RNF103: variants seen among roughly 807,000 people sequenced by gnomAD.
RNF103 encodes ring finger protein 103.
In RNF103, 23 loss-of-function variants were observed where a neutral mutation model predicts 66.2. That is an observed-to-expected ratio of 0.35 (90% confidence interval 0.25 to 0.49). The LOEUF (loss-of-function observed/expected upper bound fraction) is 0.49, where lower values mean the gene tolerates loss of function less well. RNF103 is among the 20% of genes least tolerant of loss of function. The pLI is 0.98. For missense variants in RNF103, 730 were observed against 814.7 expected (o/e 0.90, Z 1.27); for synonymous variants, 297 against 289.9 (o/e 1.02, Z -0.25).
intron 1 of RNF103, among the ~76,000 whole-genome samples, chr2:86,621,275 T>C (rs189727790): frequency 6.6e-6 from 1 of 152,218 alleles, no homozygotes; most frequent in African/African-American, 2.4e-5. Flanking sequence ...CAAGTATTTT[T>C]AGGCCCAAAA....
At chr2:86,612,352 A>T in intron 2 of RNF103, 78 bp from the exon 3 acceptor site, 1 of 727,122 alleles carries the variant, frequency 1.4e-6, no homozygotes, top group Non-Finnish European at 2.3e-6. Context: ...CAACAATATA[A>T]TTTCACTTAA....
Position 86,604,587 on chromosome 2 carries a change from T to C in RNF103, c.1314A>G (p.Arg438=). 6.2e-7 allele frequency: 1 copy of C among 1,614,202 alleles called. No individual in the cohort carries two copies. Among genetic ancestry groups the C allele is most frequent in the South Asian group, 1.1e-5 (1 of 91,084 alleles). Residue 438 remains arginine, a synonymous_variant, in exon 4 of 4, where the codon AGA becomes AGG. Transcript: ENST00000237455. Reference sequence around the variant, plus strand: ...CTTCATCATTGTTGTTGTTGCGCCTTCTCTTCTTCTCAAAGTAATCAATTA... The same window carrying C: ...CTTCATCATTGTTGTTGTTGCGCCTCCTCTTCTTCTCAAAGTAATCAATTA... The part of the protein sequence containing the change: ...GLLIDYFEKK[R]RRNNNNDEVN...
chr2:86,620,197 C>A, intron 2 of RNF103, 133 bp downstream of exon 2: 1 of 1,166,730 alleles, frequency 8.6e-7, no homozygotes, highest in Non-Finnish European at 1.1e-6. Flanking sequence ...CTGGAGCCTC[C>A]CTAAGAGAAC....
intron 3 of RNF103, among the ~76,000 whole-genome samples, chr2:86,606,612 G>A (rs952922301): frequency 4.3e-5 from 6 of 138,268 alleles, no homozygotes; most frequent in South Asian, 2.3e-4. Context: ...GCAGTGAGCC[G>A]AGATCACGCC....
At chr2:86,616,441 A>T (rs1679024276) in intron 2 of RNF103, 1 of 909,614 alleles carries the variant, frequency 1.1e-6, no homozygotes, top group Admixed American at 6.2e-5. Flanking sequence ...TGGTCTTTTA[A>T]TTTTTTTGTA....
Position 86,622,936 on chromosome 2 carries a change from G to C in RNF103, c.-50C>G. 1 of 1,541,482 alleles carries C rather than the reference G, an allele frequency of 6.5e-7. No homozygotes were observed. The highest frequency in any genetic ancestry group is 8.8e-7 in the Non-Finnish European group (1 of 1,142,220). On this transcript the variant is annotated 5_prime_UTR_variant, in exon 1 of 4. Coordinates refer to ENST00000237455, the MANE Select transcript of RNF103 (RefSeq NM_005667.4). ...CAGAGAGCTCGGAATACGGGAGAGA[G>C]AAGGGTCGAGGGCGGGGGCCGCGGC...
chr2:86,603,959 T>C lies in RNF103; in HGVS notation c.1942A>G (p.Ile648Val), dbSNP rs1278401965. 6.2e-7 allele frequency: 1 copy of C among 1,613,912 alleles called. No homozygotes were observed. Among genetic ancestry groups the C allele is most frequent in the Admixed American group, 1.7e-5 (1 of 59,982 alleles). Residue 648 changes from isoleucine (I) to valine (V), a missense_variant, in exon 4 of 4, where the codon ATT (isoleucine) becomes GTT (valine). By Grantham distance (29) the Ile-to-Val change is conservative. This residue lies in a region of RNF103 where 355 missense variants were observed against 351.9 expected (regional missense o/e 1.01). Transcript: ENST00000237455. ...PCGHVFHQNCIVMWLAGGRHC... is the reference protein window; with the variant it reads ...PCGHVFHQNCVVMWLAGGRHC... The stretch of plus-strand genomic sequence containing the variant: ...CGGCCCCCAGCCAACCACATCACAA[T>C]GCAATTCTGATGAAACACATGACCA...
chr2:86,621,764 T>C (rs547042932), intron 1 of RNF103, among the ~76,000 whole-genome samples: 3 of 152,322 alleles, frequency 2.0e-5, no homozygotes, highest in East Asian at 3.9e-4. Flanking sequence ...TTTCAGCTGC[T>C]TCCCACAGCA....
At position 86,622,856 on chromosome 2, in the gene RNF103, AGAG is replaced by A; in HGVS notation, c.28_30del (p.Leu10del). 6.2e-7 allele frequency: 1 copy of A among 1,612,602 alleles called. No homozygotes were observed. Among genetic ancestry groups the A allele is most frequent in the East Asian group, 2.2e-5 (1 of 44,814 alleles). The stretch of plus-strand genomic sequence containing the variant: ...GCCAGGACGAACAGGACCAGGAAAT[AGAG>A]GAGCAAGAAAAAAAGCTTCAGCCAC... On this transcript the variant is annotated inframe_deletion, in exon 1 of 4. Coordinates refer to ENST00000237455, the MANE Select transcript of RNF103 (RefSeq NM_005667.4).
chr2:86,614,688 T>A (rs1005851115), intron 2 of RNF103: 1 of 868,734 alleles, frequency 1.2e-6, no homozygotes, highest in Admixed American at 6.2e-5. Context: ...TTCTTTATTT[T>A]ATTTTATTTT....
Position 86,603,833 on chromosome 2 carries a change from T to C in RNF103, c.*10A>G, listed in dbSNP as rs1234757788. ...ATACTCAAAGCTTATAAAGGACAAATTGCACATGGTTAAGATGGGACATCA... is the reference window on the plus strand; with the variant it reads ...ATACTCAAAGCTTATAAAGGACAAACTGCACATGGTTAAGATGGGACATCA... On this transcript the variant is annotated 3_prime_UTR_variant, in exon 4 of 4. Coordinates refer to ENST00000237455, the MANE Select transcript of RNF103 (RefSeq NM_005667.4). The C allele has an allele frequency of 1.9e-6, 3 of 1,594,698 alleles. No individual in the cohort carries two copies. The highest frequency in any genetic ancestry group is 1.7e-6 in the Non-Finnish European group (2 of 1,172,150).
chr2:86,611,457 T>C (rs1678787486), intron 3 of RNF103, among the ~76,000 whole-genome samples: 1 of 151,910 alleles, frequency 6.6e-6, no homozygotes, highest in Non-Finnish European at 1.5e-5. Context: ...AGTTATAACT[T>C]GGTAGCAAGA....
At position 86,623,555 on chromosome 2, in the gene RNF103, C is replaced by A; in HGVS notation, c.-669G>T. The stretch of plus-strand genomic sequence containing the variant: ...AAGAGCGGCGGGCACGGCGGCGGCT[C>A]CAGGTTCGCTCGGGCCGGCTGGCGG... On this transcript the variant is annotated 5_prime_UTR_variant, in exon 1 of 4. Transcript: ENST00000237455. 1.0e-6 allele frequency: 1 copy of A among 992,086 alleles called. No individual in the cohort carries two copies. Among genetic ancestry groups the A allele is most frequent in the Non-Finnish European group, 1.2e-6 (1 of 834,098 alleles). The allele number at this position is 992,086 out of a possible 1,614,324, so 61.5% of individuals were successfully genotyped here.
In RNF103 at chr2:86,612,167, A is replaced by G. The variant is rs753474942; in HGVS notation, c.474T>C (p.Ser158=). ...GIRTGTFNCS[S]DPRYCRRRGW... Reference sequence around the variant, plus strand: ...TTGCCTAATCAACTTACCTGGGATCACTGGAACAGTTAAATGTGCCTGTAC... The same window carrying G: ...TTGCCTAATCAACTTACCTGGGATCGCTGGAACAGTTAAATGTGCCTGTAC... Residue 158 remains serine, a synonymous_variant, in exon 3 of 4, where the codon AGT becomes AGC. Transcript: ENST00000237455. The G allele has an allele frequency of 2.5e-6, 4 of 1,606,884 alleles. No individual in the cohort carries two copies. Among genetic ancestry groups the G allele is most frequent in the Admixed American group, 1.7e-5 (1 of 58,976 alleles).
chr2:86,613,548 T>A (rs1310298795), intron 2 of RNF103: 1 of 152,162 alleles, frequency 6.6e-6, no homozygotes. Flanking sequence ...AATTACAACA[T>A]AATACTCTGG....
chr2:86,613,218 C>A (rs1207954472), intron 2 of RNF103: 1 of 152,252 alleles, frequency 6.6e-6, no homozygotes, highest in Non-Finnish European at 1.5e-5. Context: ...AGAGGTTGCA[C>A]CACTGCAATC....
In RNF103 at chr2:86,604,080, A is replaced by G. The variant is rs768540908; in HGVS notation, c.1821T>C (p.Asp607=). The G allele has an allele frequency of 1.2e-6, 2 of 1,613,708 alleles. No homozygotes were observed. Among genetic ancestry groups the G allele is most frequent in the East Asian group, 2.2e-5 (1 of 44,896 alleles). The stretch of plus-strand genomic sequence containing the variant: ...GCATATCAGCAGGCCAAGTTAACCA[A>G]TCAGGTTCCATATCTTCATTAGTGT... The part of the protein sequence containing the change: ...SYNTNEDMEP[D]WLTWPADMLH... Residue 607 remains aspartate (D), a synonymous_variant, in exon 4 of 4, where the codon GAT becomes GAC. Coordinates refer to ENST00000237455, the MANE Select transcript of RNF103 (RefSeq NM_005667.4).
chr2:86,622,890 C>T lies in RNF103; in HGVS notation c.-4G>A. On this transcript the variant is annotated 5_prime_UTR_variant, in exon 1 of 4. Transcript: ENST00000237455. ...AGAAAAAAAGCTTCAGCCACATCTT[C>T]CCTGGAGTTTCCTCTCTTTCCAGAG... 1 of 1,589,386 alleles carries T rather than the reference C, an allele frequency of 6.3e-7. No individual in the cohort carries two copies. Among genetic ancestry groups the T allele is most frequent in the East Asian group, 2.3e-5 (1 of 43,332 alleles).
chr2:86,603,885 T>C lies in RNF103; in HGVS notation c.2016A>G (p.Pro672=). The C allele has an allele frequency of 1.2e-6, 2 of 1,614,092 alleles. No homozygotes were observed. The highest frequency in any genetic ancestry group is 2.2e-5 in the East Asian group (1 of 44,886). The change falls in exon 4 of 4, where the codon CCA becomes CCG. Residue 672 remains proline (P), a synonymous_variant. Coordinates refer to ENST00000237455, the MANE Select transcript of RNF103 (RefSeq NM_005667.4). ...CRWPSYKKKQ[P]YAQHQPLSND... ...TTGACAAGGGCTGGTGTTGTGCATA[T>C]GGCTGCTTTTTTTTATAAGAAGGCC...
Sources: allele counts gnomAD v4.1 joint callset (sites outside exome capture counted in the v4.1 genomes callset), GRCh38; gene constraint gnomAD v4.1.1; regional missense constraint gnomAD v4.1.1; transcripts MANE v1.5; gene names NCBI Gene and HGNC (gene_info 2026-07-23, HGNC 2026-07-21).